Variants in KALRN observed in about 807,000 individuals in gnomAD.
KALRN encodes the protein kalirin RhoGEF kinase, also known as kalirin.
A neutral mutation model predicts 353.7 loss-of-function variants in KALRN; 70 were observed. The ratio of observed to expected loss-of-function variants is 0.20; its 90% CI spans 0.16 to 0.24. The LOEUF (loss-of-function observed/expected upper bound fraction) is 0.24. Ranked by LOEUF, KALRN falls within the 10% of genes least tolerant of loss-of-function variation. The pLI is 1.00. For synonymous variants in KALRN, 1,391 were observed against 1,434.8 expected, an observed-to-expected ratio of 0.97 and a Z score of 0.69; for missense variants, 2,791 against 3,756.7, an observed-to-expected ratio of 0.74 and a Z score of 6.72.
intron 1 of KALRN, among the ~76,000 whole-genome samples, chr3:124,078,264 T>A (rs562945405): frequency 6.6e-6 from 1 of 152,346 alleles, no homozygotes; most frequent in East Asian, 1.9e-4. Context: ...AGGACCTGGG[T>A]CTGACTCATT....
At chr3:124,563,253 A>G (rs1006304090) in intron 34 of KALRN, among the ~76,000 whole-genome samples, 164 bp downstream of exon 34, 12 of 152,188 alleles carry the variant, frequency 7.9e-5, no homozygotes, top group African/African-American at 2.9e-4. Flanking sequence ...GGGAACTTGG[A>G]GAGGAAGAGC....
Position 124,575,565 on chromosome 3 carries a change from G to C in KALRN, c.5182+12476G>C, listed in dbSNP as rs575143000. Among the ~76,000 whole-genome samples, 8 of 152,284 alleles carry C rather than the reference G, an allele frequency of 5.3e-5. No homozygotes were observed. In the East Asian group the frequency reaches 9.6e-4, roughly 18 times the overall value. ...AACAACACAAACTCATTATCGTACA[G>C]TTCTGTGGGTTGGAAATGCAACATG... On this transcript the variant is annotated intron_variant, in intron 34 of 59. Transcript: ENST00000682506.
chr3:124,647,875 A>T (rs1165243292), intron 37 of KALRN, among the ~76,000 whole-genome samples: 3 of 152,214 alleles, frequency 2.0e-5, no homozygotes, highest in Non-Finnish European at 2.9e-5. Flanking sequence ...TTCATTTTAA[A>T]TATGGGGATG....
intron 13 of KALRN, among the ~76,000 whole-genome samples, chr3:124,409,616 G>A (rs2091953040): frequency 6.6e-6 from 1 of 152,128 alleles, no homozygotes; most frequent in African/African-American, 2.4e-5. Context: ...CATCTGACTG[G>A]TTCACAACAA....
chr3:124,094,007 C>A (rs761764016), intron 1 of KALRN: 10 of 152,196 alleles, frequency 6.6e-5, no homozygotes, highest in African/African-American at 4.8e-5. Flanking sequence ...TAAGGGAGAA[C>A]CTTCTATCTA....
chr3:124,364,562 T>G (rs1344345235), intron 10 of KALRN, among the ~76,000 whole-genome samples: 1 of 152,238 alleles, frequency 6.6e-6, no homozygotes, highest in Non-Finnish European at 1.5e-5. Context: ...AGGTCCCAGA[T>G]GGCCCTGGGT....
At chr3:124,635,332 C>A (rs1183833456) in intron 36 of KALRN, among the ~76,000 whole-genome samples, 1 of 152,208 alleles carries the variant, frequency 6.6e-6, no homozygotes, top group African/African-American at 2.4e-5. Flanking sequence ...AAGGGCCCCA[C>A]TTGCATAAGG....
intron 13 of KALRN, chr3:124,410,414 GT>G (rs1341280934): frequency 2.7e-6 from 1 of 375,028 alleles, no homozygotes; most frequent in Non-Finnish European, 5.2e-6. Context: ...AGTAAAAATT[GT>G]GATTTGGGCT....
intron 6 of KALRN, among the ~76,000 whole-genome samples, chr3:124,309,131 G>T (rs1024830679): frequency 1.3e-5 from 2 of 152,070 alleles, no homozygotes; most frequent in Non-Finnish European, 2.9e-5. Context: ...AATAGCAAGT[G>T]AAGAGATTGA....
At chr3:124,066,976 C>T (rs1282910449) in intron 1 of KALRN, among the ~76,000 whole-genome samples, 1 of 152,208 alleles carries the variant, frequency 6.6e-6, no homozygotes. Flanking sequence ...TACACAAACT[C>T]CACTTTCTAA....
chr3:124,368,431 G>C (rs558378492), intron 10 of KALRN, among the ~76,000 whole-genome samples: 1 of 147,826 alleles, frequency 6.8e-6, no homozygotes, highest in African/African-American at 2.5e-5. Context: ...ATGGGGCGGC[G>C]GGGCAGAGGC....
chr3:124,469,487 C>A (rs1379706135), intron 25 of KALRN, among the ~76,000 whole-genome samples: 2 of 152,176 alleles, frequency 1.3e-5, no homozygotes, highest in African/African-American at 4.8e-5. Flanking sequence ...ATCTTAGCCC[C>A]TATGGTCTAG....
chr3:124,365,279 G>T (rs574858558), intron 10 of KALRN, among the ~76,000 whole-genome samples: 1 of 152,068 alleles, frequency 6.6e-6, no homozygotes, highest in Non-Finnish European at 1.5e-5. Context: ...ATGAAGGGGG[G>T]TACCTATGGC....
chr3:124,117,043 A>C (rs1308307815), intron 1 of KALRN, among the ~76,000 whole-genome samples: 2 of 152,242 alleles, frequency 1.3e-5, no homozygotes, highest in East Asian at 3.9e-4. Context: ...TTGGAGTCCA[A>C]ATTAACATCT....
At chr3:124,693,728 T>C in intron 51 of KALRN, 76 bp from the exon 52 acceptor site, 1 of 961,300 alleles carries the variant, frequency 1.0e-6, no homozygotes, top group Non-Finnish European at 1.6e-6. Flanking sequence ...TTCTTTTTAC[T>C]CAATACGGTG....
intron 1 of KALRN, among the ~76,000 whole-genome samples, chr3:124,186,987 G>A (rs1327364507): frequency 1.3e-5 from 2 of 152,212 alleles, no homozygotes; most frequent in Non-Finnish European, 2.9e-5. Context: ...TGACTTGGCA[G>A]CATTGCTCAG....
At chr3:124,356,342 T>G (rs1318615945) in intron 10 of KALRN, among the ~76,000 whole-genome samples, 10 of 150,052 alleles carry the variant, frequency 6.7e-5, no homozygotes, top group African/African-American at 2.2e-4. Flanking sequence ...TTTCTTTTTT[T>G]TTTTTTTTGA....
intron 4 of KALRN, among the ~76,000 whole-genome samples, chr3:124,265,972 G>A (rs560472416): frequency 3.9e-5 from 6 of 152,076 alleles, no homozygotes; most frequent in Admixed American, 6.5e-5. Flanking sequence ...AAAATTAGCC[G>A]GGCGTGGTGG....
intron 37 of KALRN, among the ~76,000 whole-genome samples, chr3:124,644,534 T>TG (rs1239620636): frequency 6.6e-6 from 1 of 152,094 alleles, no homozygotes. Flanking sequence ...TGTCTATGTG[T>TG]TCTCATTGTT....
Sources: allele counts gnomAD v4.1 joint callset (sites outside exome capture counted in the v4.1 genomes callset), GRCh38; gene constraint gnomAD v4.1.1; transcripts MANE v1.5; gene names NCBI Gene and HGNC (gene_info 2026-07-23, HGNC 2026-07-21).